Variants in GOLPH3 observed in about 807,000 individuals in gnomAD.
GOLPH3 encodes golgi phosphoprotein 3.
GOLPH3 carries 14 observed loss-of-function variants against 28.5 expected under a neutral mutation model. The ratio of observed to expected loss-of-function variants is 0.49; its 90% confidence interval spans 0.32 to 0.77. The LOEUF (loss-of-function observed/expected upper bound fraction) is 0.77, where lower values mean the gene tolerates loss of function less well. GOLPH3 is among the 30% of genes least tolerant of loss of function. The pLI is 0.03. For missense variants in GOLPH3, 350 were observed against 393.7 expected (o/e 0.89, Z 0.94); for synonymous variants, 158 against 159.2 (o/e 0.99, Z 0.06).
At chr5:32,156,966 A>G (rs1209463508) in intron 1 of GOLPH3, among the ~76,000 whole-genome samples, 2 of 152,324 alleles carry the variant, frequency 1.3e-5, no homozygotes, top group Non-Finnish European at 2.9e-5. Flanking sequence ...GTAACTAAAT[A>G]ATGATTGGAT....
At chr5:32,133,637 C>T (rs1305458940) in intron 3 of GOLPH3, among the ~76,000 whole-genome samples, 3 of 152,216 alleles carry the variant, frequency 2.0e-5, no homozygotes, top group African/African-American at 7.2e-5. Flanking sequence ...ATAGAGTTGA[C>T]ATTAATGCCC....
intron 2 of GOLPH3, among the ~76,000 whole-genome samples, chr5:32,140,053 T>C (rs911607813): frequency 2.6e-5 from 4 of 152,070 alleles, no homozygotes; most frequent in African/African-American, 9.7e-5. Context: ...ATACAAGTTT[T>C]CAAAACCAAA....
chr5:32,165,551 C>A (rs1746692415), intron 1 of GOLPH3, among the ~76,000 whole-genome samples: 1 of 151,958 alleles, frequency 6.6e-6, no homozygotes, highest in Non-Finnish European at 1.5e-5. Flanking sequence ...CCACTGCACT[C>A]CAGCCTGGGT....
intron 1 of GOLPH3, among the ~76,000 whole-genome samples, chr5:32,165,418 A>C (rs1746689244): frequency 6.6e-6 from 1 of 152,112 alleles, no homozygotes; most frequent in Non-Finnish European, 1.5e-5. Flanking sequence ...CCTTGTCTCT[A>C]CTAAAAATAC....
At chr5:32,167,321 G>C (rs530707517) in intron 1 of GOLPH3, among the ~76,000 whole-genome samples, 1 of 152,004 alleles carries the variant, frequency 6.6e-6, no homozygotes, top group East Asian at 1.9e-4. Context: ...ACAGGTGCTC[G>C]CCACCATGTC....
chr5:32,168,829 G>A (rs1028094705), intron 1 of GOLPH3, among the ~76,000 whole-genome samples: 1 of 152,118 alleles, frequency 6.6e-6, no homozygotes, highest in Non-Finnish European at 1.5e-5. Flanking sequence ...TCCTAGAGCC[G>A]GTCGCAGTAA....
At chr5:32,137,285 C>T (rs927439223) in intron 2 of GOLPH3, among the ~76,000 whole-genome samples, 1 of 151,754 alleles carries the variant, frequency 6.6e-6, no homozygotes, top group Non-Finnish European at 1.5e-5. Flanking sequence ...AAAATTGTCC[C>T]GACTAGCAGA....
Position 32,173,814 on chromosome 5 carries a change from C to T in GOLPH3, c.221G>A (p.Arg74His), listed in dbSNP as rs1746909150. ...EEVLLLGLKDREGYTSFWNDC... is the reference protein window; with the variant it reads ...EEVLLLGLKDHEGYTSFWNDC... ...CCCAGCCCGCCGCGCCCGCACCTCGCGGTCCTTGAGGCCCAGCAGGAGCAC... is the reference window on the plus strand; with the variant it reads ...CCCAGCCCGCCGCGCCCGCACCTCGTGGTCCTTGAGGCCCAGCAGGAGCAC... Residue 74 changes from arginine to histidine, a missense_variant, in exon 1 of 4, where the codon CGC (arginine) becomes CAC (histidine). By Grantham distance (29) the Arg-to-His change is conservative. Transcript: ENST00000265070. The T allele has an allele frequency of 2.1e-6, 3 of 1,449,758 alleles. No individual in the cohort carries two copies. The highest frequency in any genetic ancestry group is 2.7e-6 in the Non-Finnish European group (3 of 1,102,422). The allele number at this position is 1,449,758 out of a possible 1,614,324, so 89.8% of individuals were successfully genotyped here.
chr5:32,164,395 ATTC>A (rs1746658304), intron 1 of GOLPH3, among the ~76,000 whole-genome samples: 1 of 150,358 alleles, frequency 6.7e-6, no homozygotes, highest in African/African-American at 2.4e-5. Context: ...GAGGAGTAAG[ATTC>A]TTTTTTTTTT....
chr5:32,162,830 G>A (rs528069304), intron 1 of GOLPH3, among the ~76,000 whole-genome samples: 1 of 152,292 alleles, frequency 6.6e-6, no homozygotes, highest in East Asian at 1.9e-4. Flanking sequence ...TGTAATCCCA[G>A]CACTTTGGGA....
In GOLPH3 at chr5:32,135,692, A is replaced by T. The variant is rs1222768061; in HGVS notation, c.358-6T>A. 1 of 1,561,300 alleles carries T rather than the reference A, an allele frequency of 6.4e-7. No homozygotes were observed. Among genetic ancestry groups the T allele is most frequent in the South Asian group, 1.1e-5 (1 of 89,512 alleles). On this transcript the variant is annotated splice_polypyrimidine_tract_variant and splice_region_variant and intron_variant, in intron 2 of 3. Coordinates refer to ENST00000265070, the MANE Select transcript of GOLPH3 (RefSeq NM_022130.4). ...GCATCTGACTTACAGATTACCTAAA[A>T]AGAAAGCAAAAAGAATGAAAGGATC...
intron 1 of GOLPH3, among the ~76,000 whole-genome samples, chr5:32,162,063 A>T (rs1483007796): frequency 6.0e-5 from 9 of 151,154 alleles, no homozygotes; most frequent in Admixed American, 2.6e-4. Flanking sequence ...ATAAAAAAAT[A>T]AAAATCAGAA....
At chr5:32,132,351 T>C (rs1278147979) in intron 3 of GOLPH3, among the ~76,000 whole-genome samples, 10 of 152,162 alleles carry the variant, frequency 6.6e-5, no homozygotes, top group African/African-American at 2.4e-4. Context: ...ATTAAAACAT[T>C]CCTTGGCTTC....
intron 3 of GOLPH3, among the ~76,000 whole-genome samples, chr5:32,130,436 T>C (rs1745802518): frequency 6.6e-6 from 1 of 152,224 alleles, no homozygotes; most frequent in African/African-American, 2.4e-5. Flanking sequence ...AGAAGTATTA[T>C]CCCCTATCAA....
intron 2 of GOLPH3, among the ~76,000 whole-genome samples, chr5:32,135,994 G>C (rs1371291191): frequency 2.0e-5 from 3 of 152,054 alleles, no homozygotes; most frequent in Non-Finnish European, 4.4e-5. Flanking sequence ...GGCCCACATG[G>C]CAAAACCCTG....
At chr5:32,151,351 C>G (rs76149016) in intron 1 of GOLPH3, among the ~76,000 whole-genome samples, 1 of 151,948 alleles carries the variant, frequency 6.6e-6, no homozygotes, top group African/African-American at 2.4e-5. Context: ...ACAGCGAGAG[C>G]TGTCTCTACA....
intron 1 of GOLPH3, among the ~76,000 whole-genome samples, chr5:32,165,537 T>G (rs1225750150): frequency 6.6e-6 from 1 of 151,812 alleles, no homozygotes; most frequent in East Asian, 1.9e-4. Context: ...GAGCATAGAT[T>G]GCACCACTGC....
chr5:32,162,544 T>C (rs1471168112), intron 1 of GOLPH3, among the ~76,000 whole-genome samples: 1 of 151,784 alleles, frequency 6.6e-6, no homozygotes, highest in Non-Finnish European at 1.5e-5. Context: ...GATGAGCATC[T>C]GAATTTGAGT....
chr5:32,154,706 A>G (rs958424896), intron 1 of GOLPH3, among the ~76,000 whole-genome samples: 1 of 152,212 alleles, frequency 6.6e-6, no homozygotes, highest in African/African-American at 2.4e-5. Context: ...TCTGTCACCA[A>G]ATGAACTCAC....
Sources: allele counts gnomAD v4.1 joint callset (sites outside exome capture counted in the v4.1 genomes callset), GRCh38; gene constraint gnomAD v4.1.1; transcripts MANE v1.5; gene names NCBI Gene and HGNC (gene_info 2026-07-23, HGNC 2026-07-21).